SYNJ2BP: variants seen among roughly 807,000 people sequenced by gnomAD.
SYNJ2BP encodes the protein synaptojanin-2-binding protein.
In SYNJ2BP, 10 loss-of-function variants were observed where a neutral mutation model predicts 16.9. The observed-to-expected ratio is 0.59, with a 90% CI of 0.36 to 1.00. SYNJ2BP has a LOEUF of 1.00. Among genes scored for constraint, SYNJ2BP ranks in the 50% least tolerant of loss-of-function variants. The pLI is 0.01. For missense variants in SYNJ2BP, 162 were observed against 186.7 expected, an observed-to-expected ratio of 0.87 and a Z score of 0.77; for synonymous variants, 54 against 68.4, an observed-to-expected ratio of 0.79 and a Z score of 1.04.
chr14:70,383,294 G>A (rs1383834551), intron 2 of SYNJ2BP, among the ~76,000 whole-genome samples: 1 of 152,182 alleles, frequency 6.6e-6, no homozygotes, highest in Non-Finnish European at 1.5e-5. Context: ...CTGATTGGAT[G>A]AGGGTTTCTG....
At chr14:70,393,569 T>C (rs1198825411) in intron 1 of SYNJ2BP, among the ~76,000 whole-genome samples, 2 of 152,080 alleles carry the variant, frequency 1.3e-5, no homozygotes, top group Admixed American at 6.5e-5. Context: ...CCATCAACAA[T>C]AGACTGGATA....
chr14:70,410,658 T>C (rs1345408795), intron 1 of SYNJ2BP, among the ~76,000 whole-genome samples: 3 of 152,106 alleles, frequency 2.0e-5, no homozygotes, highest in Non-Finnish European at 4.4e-5. Flanking sequence ...ATGTGGTGCA[T>C]ATACACCATG....
intron 2 of SYNJ2BP, among the ~76,000 whole-genome samples, chr14:70,388,193 TCC>T (rs1887902211): frequency 6.6e-6 from 1 of 152,220 alleles, no homozygotes; most frequent in African/African-American, 2.4e-5. Flanking sequence ...AAATCTCTTT[TCC>T]CCATATGAGT....
rs115683900 is a variant in SYNJ2BP, at chr14:70,416,136, A to G, written c.64+764T>C. ...AAGGAAAGTAAACAAAGTCGAAAGC[A>G]GGCAGAATGTAGTAATGTCAAGAGC... is the stretch of plus-strand genomic sequence containing the variant. On this transcript the variant is annotated intron_variant, in intron 1 of 3. Coordinates refer to ENST00000256366, the MANE Select transcript of SYNJ2BP (RefSeq NM_018373.3). 9.4e-3 allele frequency among the ~76,000 whole-genome samples: 1,439 copies of G among 152,328 alleles called. 27 individuals carry two copies. Among genetic ancestry groups the G allele is most frequent in the African/African-American group, 0.032 (1,346 of 41,576 alleles).
chr14:70,377,748 A>T (rs1887664187), intron 2 of SYNJ2BP, among the ~76,000 whole-genome samples: 1 of 152,040 alleles, frequency 6.6e-6, no homozygotes, highest in Non-Finnish European at 1.5e-5. Context: ...TGTCTTCTTG[A>T]TTACTTAACT....
intron 1 of SYNJ2BP, among the ~76,000 whole-genome samples, chr14:70,394,078 C>G (rs1888038392): frequency 1.3e-5 from 2 of 150,712 alleles, no homozygotes; most frequent in South Asian, 4.2e-4. Flanking sequence ...AGACAGAAAC[C>G]TATTACAGCT....
chr14:70,377,720 C>T (rs1417149676), intron 2 of SYNJ2BP, among the ~76,000 whole-genome samples: 3 of 32,444 alleles, frequency 9.2e-5, no homozygotes, highest in African/African-American at 6.0e-4. Flanking sequence ...AACCTCCTTA[C>T]AAAACTCACA....
At chr14:70,403,542 G>A (rs762263266) in intron 1 of SYNJ2BP, among the ~76,000 whole-genome samples, 61 of 152,308 alleles carry the variant, frequency 4.0e-4, no homozygotes, top group Non-Finnish European at 6.9e-4. Flanking sequence ...AGATGGTGAT[G>A]AGAGTGACCT....
At chr14:70,393,747 G>A (rs999331684) in intron 1 of SYNJ2BP, among the ~76,000 whole-genome samples, 4 of 148,242 alleles carry the variant, frequency 2.7e-5, no homozygotes, top group East Asian at 2.0e-4. Context: ...AGTGGGAGCC[G>A]AACAATGAGA....
chr14:70,387,950 A>G (rs1887896444), intron 2 of SYNJ2BP, among the ~76,000 whole-genome samples: 1 of 152,174 alleles, frequency 6.6e-6, no homozygotes. Context: ...AAATGGGAAC[A>G]CAGCGGACAG....
chr14:70,373,274 C>A, intron 3 of SYNJ2BP, 143 bp from the exon 4 acceptor site: 1 of 1,098,644 alleles, frequency 9.1e-7, no homozygotes, highest in South Asian at 1.6e-5. Flanking sequence ...AAGGAGTCCT[C>A]TCTTTGTCCT....
intron 1 of SYNJ2BP, among the ~76,000 whole-genome samples, chr14:70,398,150 T>C (rs1888148051): frequency 1.3e-5 from 2 of 152,106 alleles, no homozygotes; most frequent in Non-Finnish European, 2.9e-5. Flanking sequence ...TTCTCTGCTG[T>C]GGCTGAACCT....
intron 1 of SYNJ2BP, 128 bp downstream of exon 1, chr14:70,416,772 C>T: frequency 1.5e-6 from 2 of 1,366,138 alleles, no homozygotes; most frequent in Non-Finnish European, 2.0e-6. Flanking sequence ...CACCCCGAAG[C>T]GTTGCACGAA....
intron 1 of SYNJ2BP, among the ~76,000 whole-genome samples, chr14:70,395,745 T>C (rs1335607964): frequency 3.3e-5 from 5 of 152,222 alleles, no homozygotes; most frequent in Admixed American, 2.6e-4. Flanking sequence ...CTGGAACTTT[T>C]TATTCAAATA....
At chr14:70,377,910 A>G (rs1887667821) in intron 2 of SYNJ2BP, among the ~76,000 whole-genome samples, 1 of 152,186 alleles carries the variant, frequency 6.6e-6, no homozygotes, top group African/African-American at 2.4e-5. Context: ...GTTTGCATGC[A>G]CTACCTCTAT....
chr14:70,398,435 C>A (rs1295124691), intron 1 of SYNJ2BP, among the ~76,000 whole-genome samples: 2 of 152,196 alleles, frequency 1.3e-5, no homozygotes, highest in African/African-American at 2.4e-5. Flanking sequence ...GCCCTCAGCA[C>A]CCCCAGGATT....
At chr14:70,405,973 T>C (rs537774009) in intron 1 of SYNJ2BP, among the ~76,000 whole-genome samples, 19 of 152,362 alleles carry the variant, frequency 1.2e-4, no homozygotes, top group Admixed American at 1.3e-4. Flanking sequence ...ATTTATTGTG[T>C]CTTGTGATCC....
intron 1 of SYNJ2BP, among the ~76,000 whole-genome samples, chr14:70,402,262 G>A (rs1888256132): frequency 1.3e-5 from 2 of 152,176 alleles, no homozygotes; most frequent in Admixed American, 1.3e-4. Flanking sequence ...ACTGACAAGA[G>A]CTACAGTATT....
At chr14:70,391,858 A>G (rs1223398675) in intron 1 of SYNJ2BP, among the ~76,000 whole-genome samples, 1 of 152,256 alleles carries the variant, frequency 6.6e-6, no homozygotes, top group Non-Finnish European at 1.5e-5. Flanking sequence ...TTGTAAATGA[A>G]CCAAACTATT....
Sources: allele counts gnomAD v4.1 joint callset (sites outside exome capture counted in the v4.1 genomes callset), GRCh38; gene constraint gnomAD v4.1.1; transcripts MANE v1.5; gene names NCBI Gene and HGNC (gene_info 2026-07-23, HGNC 2026-07-21).